Variants in CAMK4 observed in about 807,000 individuals in gnomAD.
The protein encoded by CAMK4 is calcium/calmodulin-dependent protein kinase type IV.
A neutral mutation model predicts 44.9 loss-of-function variants in CAMK4; 22 were observed. The observed-to-expected ratio is 0.49, with a 90% CI of 0.35 to 0.70. The LOEUF (loss-of-function observed/expected upper bound fraction) is 0.70. CAMK4 is among the 30% of genes least tolerant of loss of function. The pLI is 0.01. For missense variants in CAMK4, 498 were observed against 586.8 expected (o/e 0.85, Z 1.56); for synonymous variants, 218 against 215.4 (o/e 1.01, Z -0.11).
Position 111,354,368 on chromosome 5 carries a change from G to C in CAMK4, c.240+10266G>C, listed in dbSNP as rs149298328. On this transcript the variant is annotated intron_variant, in intron 2 of 10. Coordinates refer to ENST00000282356, the MANE Select transcript of CAMK4 (RefSeq NM_001744.6). The stretch of plus-strand genomic sequence containing the variant: ...ATAATTTCCAAAGATCAAATGTATA[G>C]TATGGGAAGTATAATTAATAACACT... Among the ~76,000 whole-genome samples the C allele has an allele frequency of 3.7e-3, 552 of 151,130 alleles. 2 individuals carry two copies. The highest frequency in any genetic ancestry group is 5.0e-3 in the South Asian group (24 of 4,782).
chr5:111,368,276 A>G (rs1283899128), intron 2 of CAMK4, among the ~76,000 whole-genome samples: 3 of 152,160 alleles, frequency 2.0e-5, no homozygotes, highest in Non-Finnish European at 4.4e-5. Flanking sequence ...TCAAGTGGCA[A>G]TAATGACTGC....
intron 5 of CAMK4, among the ~76,000 whole-genome samples, chr5:111,437,171 C>T (rs1446400377): frequency 3.3e-5 from 5 of 152,146 alleles, no homozygotes; most frequent in Non-Finnish European, 7.3e-5. Flanking sequence ...TGCAAAGATG[C>T]TAAGAGCCAT....
rs375694316 is a variant in CAMK4, at chr5:111,342,421, C to T, written c.162-1603C>T. Among the ~76,000 whole-genome samples, 14 of 151,464 alleles carry T rather than the reference C, an allele frequency of 9.2e-5. No homozygotes were observed. In the South Asian group the frequency reaches 1.0e-3, roughly 11 times the overall value. On this transcript the variant is annotated intron_variant, in intron 1 of 10. Transcript: ENST00000282356. Reference sequence around the variant, plus strand: ...CTTAGTCTGATATTAATAAGCTGTTCCTGCTTTCTTATGGTTAGGGTTTGT... The same window carrying T: ...CTTAGTCTGATATTAATAAGCTGTTTCTGCTTTCTTATGGTTAGGGTTTGT...
intron 1 of CAMK4, among the ~76,000 whole-genome samples, chr5:111,280,090 T>G (rs1750946241): frequency 6.6e-6 from 1 of 152,236 alleles, no homozygotes; most frequent in Non-Finnish European, 1.5e-5. Flanking sequence ...AAGGCAGTTT[T>G]CATGAAAAGA....
chr5:111,355,374 C>A (rs1289884219), intron 2 of CAMK4, among the ~76,000 whole-genome samples: 2 of 152,052 alleles, frequency 1.3e-5, no homozygotes, highest in Non-Finnish European at 2.9e-5. Context: ...TATGCTTTAC[C>A]ATTCAAGAAT....
intron 7 of CAMK4, 92 bp from the exon 8 acceptor site, chr5:111,473,219 T>G (rs577266216): frequency 2.3e-6 from 2 of 868,464 alleles, no homozygotes; most frequent in Non-Finnish European, 3.9e-6. Context: ...TCAGAAATTG[T>G]TTTGATGAAT....
chr5:111,478,207 G>A (rs1183622769), intron 8 of CAMK4, among the ~76,000 whole-genome samples, 174 bp from the exon 9 acceptor site: 1 of 151,996 alleles, frequency 6.6e-6, no homozygotes, highest in Non-Finnish European at 1.5e-5. Context: ...ACTTGATTGT[G>A]TGTTTACACT....
intron 7 of CAMK4, among the ~76,000 whole-genome samples, chr5:111,454,868 A>AC (rs1754364074): frequency 6.6e-6 from 1 of 151,812 alleles, no homozygotes; most frequent in Admixed American, 6.6e-5. Flanking sequence ...AGGTAAAAAA[A>AC]AATTATATCT....
chr5:111,459,634 T>TC (rs949438201), intron 7 of CAMK4, among the ~76,000 whole-genome samples: 1 of 151,516 alleles, frequency 6.6e-6, no homozygotes, highest in Non-Finnish European at 1.5e-5. Flanking sequence ...CAAGAGATTG[T>TC]CCCCAGTGTC....
Position 111,478,418 on chromosome 5 carries a change from G to A in CAMK4, c.739G>A (p.Asp247Asn), listed in dbSNP as rs146711371. Reference protein sequence around the residue: ...GFEPFYDERGDQFMFRRILNC... With the variant: ...GFEPFYDERGNQFMFRRILNC... The stretch of plus-strand genomic sequence containing the variant: ...TGAACCATTCTATGATGAAAGAGGC[G>A]ATCAGTTCATGTTCAGGAGAATTCT... The change falls in exon 9 of 11, where the codon GAT becomes AAT. Residue 247 changes from aspartate to asparagine, a missense_variant. This residue lies in a region of CAMK4 where 203 missense variants were observed against 298.2 expected (regional missense o/e 0.68). Coordinates refer to ENST00000282356, the MANE Select transcript of CAMK4 (RefSeq NM_001744.6). 420 of 1,571,970 alleles carry A rather than the reference G, an allele frequency of 2.7e-4. No homozygotes were observed. The highest frequency in any genetic ancestry group is 3.2e-4 in the Non-Finnish European group (369 of 1,146,080).
chr5:111,350,436 A>G (rs989107366), intron 2 of CAMK4, among the ~76,000 whole-genome samples: 3 of 152,088 alleles, frequency 2.0e-5, no homozygotes, highest in Admixed American at 6.5e-5. Context: ...ATTACTGCTG[A>G]AAATGGATAC....
chr5:111,427,845 G>A (rs1407646968), intron 5 of CAMK4, among the ~76,000 whole-genome samples: 1 of 152,264 alleles, frequency 6.6e-6, no homozygotes, highest in Admixed American at 6.5e-5. Flanking sequence ...AAGCCTGGAT[G>A]GCTTTGCCAC....
At chr5:111,423,335 CATG>C (rs1753099456) in intron 5 of CAMK4, among the ~76,000 whole-genome samples, 1 of 152,170 alleles carries the variant, frequency 6.6e-6, no homozygotes, top group South Asian at 2.1e-4. Flanking sequence ...TAGAACTTGA[CATG>C]ATAGATACAG....
chr5:111,246,415 C>T (rs973582935), intron 1 of CAMK4, among the ~76,000 whole-genome samples: 1 of 152,186 alleles, frequency 6.6e-6, no homozygotes. Flanking sequence ...CAAAAGAAAC[C>T]TAGCTGAGAT....
At chr5:111,341,613 ATTTTC>A (rs1450557774) in intron 1 of CAMK4, among the ~76,000 whole-genome samples, 3 of 151,302 alleles carry the variant, frequency 2.0e-5, no homozygotes, top group Non-Finnish European at 4.4e-5. Flanking sequence ...GAATATGAGT[ATTTTC>A]TTGTAAAAAT....
chr5:111,285,340 A>G (rs1255906684), intron 1 of CAMK4, among the ~76,000 whole-genome samples: 6 of 152,218 alleles, frequency 3.9e-5, no homozygotes, highest in African/African-American at 7.2e-5. Context: ...ATAGATTCCA[A>G]TGTGCTTATT....
chr5:111,239,734 A>G (rs558223583), intron 1 of CAMK4, among the ~76,000 whole-genome samples: 2 of 152,326 alleles, frequency 1.3e-5, no homozygotes, highest in East Asian at 1.9e-4. Flanking sequence ...AGCATTAGAT[A>G]TTATCGATAT....
Position 111,490,283 on chromosome 5 carries a change from A to G in CAMK4, c.*5817A>G, listed in dbSNP as rs1364407233. 6.6e-6 allele frequency: 1 copy of G among 152,188 alleles called. No individual in the cohort carries two copies. The highest frequency in any genetic ancestry group is 2.4e-5 in the African/African-American group (1 of 41,442). 9.4% of individuals were successfully genotyped at this position (152,188 alleles called of 1,614,324 possible). On this transcript the variant is annotated 3_prime_UTR_variant, in exon 11 of 11. Transcript: ENST00000282356. ...TTTGTCCTTTCCTTGATAGATGTAG[A>G]GCAGTTCATCTGTTTTGTAAAGGTA...
At chr5:111,259,788 C>A (rs1320028767) in intron 1 of CAMK4, among the ~76,000 whole-genome samples, 1 of 152,084 alleles carries the variant, frequency 6.6e-6, no homozygotes, top group Non-Finnish European at 1.5e-5. Context: ...TCCTGTGACT[C>A]ATTTAAGAGT....
Sources: gnomAD v4.1 joint callset for allele counts (sites outside exome capture counted in the v4.1 genomes callset) on GRCh38, gnomAD v4.1.1 for gene constraint, gnomAD v4.1.1 regional missense constraint, MANE v1.5 for transcripts, NCBI Gene and HGNC (gene_info 2026-07-23, HGNC 2026-07-21) for gene names.